The following CDH1 variants were observed in gnomAD, a reference collection of about 807,000 sequenced individuals.
The protein encoded by CDH1 is cadherin 1, also known as cadherin-1.
A neutral mutation model predicts 84.5 loss-of-function variants in CDH1; 35 were observed. The ratio of observed to expected loss-of-function variants is 0.41; its 90% CI spans 0.32 to 0.55. The LOEUF (loss-of-function observed/expected upper bound fraction) is 0.55, where lower values mean the gene tolerates loss of function less well. CDH1 is among the 20% of genes least tolerant of loss of function. The probability of loss-of-function intolerance (pLI) is 0.19; values close to 1 mark genes in which losing one functional copy is unlikely to be tolerated. For missense variants in CDH1, 994 were observed against 1,126.6 expected, an observed-to-expected ratio of 0.88 and a Z score of 1.68; for synonymous variants, 417 against 439.0, an observed-to-expected ratio of 0.95 and a Z score of 0.63.
At chr16:68,768,612 T>A (rs1959454993) in intron 2 of CDH1, among the ~76,000 whole-genome samples, 1 of 152,178 alleles carries the variant, frequency 6.6e-6, no homozygotes, top group African/African-American at 2.4e-5. Flanking sequence ...GTCCCAGGTG[T>A]TCCCTGGAGG....
At chr16:68,791,265 T>A (rs1228596609) in intron 2 of CDH1, among the ~76,000 whole-genome samples, 1 of 152,226 alleles carries the variant, frequency 6.6e-6, no homozygotes, top group Non-Finnish European at 1.5e-5. Flanking sequence ...AGCTCCAAGC[T>A]GGGGCAGTCT....
chr16:68,826,554 G>C (rs1961327980), intron 13 of CDH1: 1 of 152,074 alleles, frequency 6.6e-6, no homozygotes, highest in South Asian at 2.1e-4. Flanking sequence ...CTTGAACCTA[G>C]GTTTCAAGAT....
intron 2 of CDH1, among the ~76,000 whole-genome samples, chr16:68,794,328 C>G (rs1272842051): frequency 1.3e-5 from 2 of 152,038 alleles, no homozygotes; most frequent in Non-Finnish European, 2.9e-5. Context: ...GCATGAGCCA[C>G]CATACCTGGC....
intron 2 of CDH1, among the ~76,000 whole-genome samples, chr16:68,754,318 G>T (rs1349447989): frequency 6.6e-6 from 1 of 152,006 alleles, no homozygotes; most frequent in African/African-American, 2.4e-5. Context: ...GGCTAAGGTG[G>T]GAGGATCACC....
chr16:68,808,250 T>G (rs1960719611), intron 3 of CDH1, among the ~76,000 whole-genome samples, 174 bp from the exon 4 acceptor site: 1 of 152,210 alleles, frequency 6.6e-6, no homozygotes, highest in Admixed American at 6.5e-5. Flanking sequence ...TTGTTTTGAT[T>G]GGTCATTTTG....
At chr16:68,776,888 C>A (rs537940885) in intron 2 of CDH1, among the ~76,000 whole-genome samples, 1 of 152,200 alleles carries the variant, frequency 6.6e-6, no homozygotes, top group Non-Finnish European at 1.5e-5. Flanking sequence ...GCCATTCGGC[C>A]CATCTTATAG....
At chr16:68,744,810 GCC>G (rs1219400759) in intron 2 of CDH1, among the ~76,000 whole-genome samples, 1 of 152,156 alleles carries the variant, frequency 6.6e-6, no homozygotes, top group Non-Finnish European at 1.5e-5. Flanking sequence ...AAATATTAGA[GCC>G]CCAGGAGGAC....
At chr16:68,766,918 G>A (rs2152120124) in intron 2 of CDH1, among the ~76,000 whole-genome samples, 1 of 151,812 alleles carries the variant, frequency 6.6e-6, no homozygotes, top group South Asian at 2.1e-4. Context: ...TAGTAGAGAA[G>A]GTTTCACCAC....
chr16:68,782,434 C>T (rs1959911212), intron 2 of CDH1, among the ~76,000 whole-genome samples: 1 of 152,234 alleles, frequency 6.6e-6, no homozygotes, highest in Non-Finnish European at 1.5e-5. Context: ...TTCCCACCAA[C>T]TGTGACAGGT....
chr16:68,833,204 A>C, intron 15 of CDH1, 86 bp from the exon 16 acceptor site: 1 of 1,174,748 alleles, frequency 8.5e-7, no homozygotes. Flanking sequence ...GCATTGTCGT[A>C]CCTTACATAT....
intron 2 of CDH1, among the ~76,000 whole-genome samples, chr16:68,786,030 T>A (rs903066871): frequency 1.3e-5 from 2 of 152,196 alleles, no homozygotes; most frequent in Non-Finnish European, 2.9e-5. Context: ...CCCATCTCCT[T>A]GTGGTGGTAG....
chr16:68,820,256 C>T (rs1407201063), intron 11 of CDH1, among the ~76,000 whole-genome samples: 1 of 152,060 alleles, frequency 6.6e-6, no homozygotes, highest in Non-Finnish European at 1.5e-5. Flanking sequence ...CTTTTCACTA[C>T]TCACTCTTTA....
chr16:68,787,309 C>A (rs767210158), intron 2 of CDH1, among the ~76,000 whole-genome samples: 3 of 152,170 alleles, frequency 2.0e-5, no homozygotes, highest in African/African-American at 4.8e-5. Context: ...GCTCTGTGAC[C>A]TTGACAAGGC....
At chr16:68,826,108 C>CTCCTCCGGCCAATTTCT in intron 13 of CDH1, among the ~76,000 whole-genome samples, 1 of 152,066 alleles carries the variant, frequency 6.6e-6, no homozygotes, top group African/African-American at 2.4e-5. Flanking sequence ...GCATGAGCCA[C>CTCCTCCGGCCAATTTCT]TGTGCCCAGC....
chr16:68,802,215 G>A (rs989205886), intron 3 of CDH1, among the ~76,000 whole-genome samples: 2 of 152,196 alleles, frequency 1.3e-5, no homozygotes, highest in Non-Finnish European at 2.9e-5. Flanking sequence ...ATCGGGTAGT[G>A]TAGAAGAGTG....
intron 2 of CDH1, among the ~76,000 whole-genome samples, chr16:68,753,726 A>G (rs1962945940): frequency 6.6e-6 from 1 of 152,188 alleles, no homozygotes; most frequent in African/African-American, 2.4e-5. Context: ...AGCAAATAAC[A>G]ATACAGGACT....
chr16:68,802,034 TA>T, intron 3 of CDH1, 141 bp downstream of exon 3: 3 of 750,438 alleles, frequency 4.0e-6, no homozygotes, highest in Non-Finnish European at 6.9e-6. Flanking sequence ...GTAGGATGTT[TA>T]GCAAGCATCC....
chr16:68,766,557 A>G (rs183176575), intron 2 of CDH1, among the ~76,000 whole-genome samples: 2 of 152,324 alleles, frequency 1.3e-5, no homozygotes, highest in East Asian at 1.9e-4. Context: ...GATGAACAAT[A>G]TAGAATGTCA....
intron 2 of CDH1, among the ~76,000 whole-genome samples, chr16:68,780,449 G>A (rs1310074489): frequency 1.3e-5 from 2 of 152,014 alleles, no homozygotes; most frequent in Non-Finnish European, 2.9e-5. Context: ...GATTACAGGT[G>A]TGCACCACCA....
Sources: gnomAD v4.1 joint callset for allele counts (sites outside exome capture counted in the v4.1 genomes callset) on GRCh38, gnomAD v4.1.1 for gene constraint, MANE v1.5 for transcripts, NCBI Gene and HGNC (gene_info 2026-07-23, HGNC 2026-07-21) for gene names.